The following FADS2 variants were observed in gnomAD, a reference collection of about 807,000 sequenced individuals.
The protein encoded by FADS2 is fatty acid desaturase 2, also known as acyl-CoA 6-desaturase.
A neutral mutation model predicts 61.2 loss-of-function variants in FADS2; 18 were observed. That is an observed-to-expected ratio of 0.29 (90% confidence interval 0.20 to 0.44). FADS2 has a LOEUF of 0.44. Among genes scored for constraint, FADS2 ranks in the 20% least tolerant of loss-of-function variants. The pLI is 1.00. For missense variants in FADS2, 322 were observed against 572.7 expected (o/e 0.56, Z 4.47); for synonymous variants, 203 against 223.9 (o/e 0.91, Z 0.83).
At chr11:61,817,087 TC>T in intron 1 of FADS2, 1 of 842,290 alleles carries the variant, frequency 1.2e-6, no homozygotes, top group Non-Finnish European at 1.7e-6. Context: ...CGGCGTTGGC[TC>T]CCAGGGGGCG....
chr11:61,865,792 G>A lies in FADS2; in HGVS notation c.*103G>A. On this transcript the variant is annotated 3_prime_UTR_variant, in exon 12 of 12. Transcript: ENST00000278840. This position sits in a 1 kb window ranked among gnomAD's most constrained non-coding sequence, Gnocchi z 4.1. The stretch of plus-strand genomic sequence containing the variant: ...AGGGGTGTCCGAGAGGCTGGTGTAT[G>A]CACTGCTCACGGACCCCATGTTGGA... The A allele has an allele frequency of 1.0e-6, 1 of 959,924 alleles. No individual in the cohort carries two copies. 59.5% of individuals were successfully genotyped at this position (959,924 alleles called of 1,614,324 possible).
chr11:61,820,103 G>C (rs544671823), intron 1 of FADS2, among the ~76,000 whole-genome samples: 2 of 151,988 alleles, frequency 1.3e-5, no homozygotes, highest in Non-Finnish European at 1.5e-5. Context: ...TACTTGGGAG[G>C]CTGAGTCAGG....
chr11:61,857,653 C>T, intron 7 of FADS2, 123 bp downstream of exon 7: 7 of 758,080 alleles, frequency 9.2e-6, no homozygotes, highest in South Asian at 5.7e-5. Context: ...GGCATCTCCT[C>T]CCTGGGGTAG....
chr11:61,830,305 T>A (rs1290262209), intron 1 of FADS2, among the ~76,000 whole-genome samples: 1 of 152,282 alleles, frequency 6.6e-6, no homozygotes, highest in African/African-American at 2.4e-5. Flanking sequence ...GAATTTGGTC[T>A]GATTATTCCA....
intron 5 of FADS2, among the ~76,000 whole-genome samples, chr11:61,852,498 T>A (rs761351945): frequency 6.6e-6 from 1 of 152,104 alleles, no homozygotes; most frequent in Non-Finnish European, 1.5e-5. Flanking sequence ...TGACCTCAAG[T>A]GATCCGCCTA....
At chr11:61,824,921 A>G (rs1434027174), upstream of FADS2, among the ~76,000 whole-genome samples, 4 of 152,056 alleles carry the variant, frequency 2.6e-5, no homozygotes, top group South Asian at 4.2e-4. Context: ...GGCCGGGTGC[A>G]GTGGCTCACG....
chr11:61,828,665 G>A lies in FADS2; in HGVS notation c.207+68G>A. ...GCGGAGTCAGGATCCCTGGCTCCCC[G>A]TGGGCCAAACAGACCTCCGGCGCTG... On this transcript the variant is annotated intron_variant, in intron 1 of 11. Coordinates refer to ENST00000278840, the MANE Select transcript of FADS2 (RefSeq NM_004265.4). This position sits in a 1 kb window ranked among gnomAD's most constrained non-coding sequence, Gnocchi z 6.4. The A allele has an allele frequency of 6.9e-7, 1 of 1,455,706 alleles. No homozygotes were observed. Among genetic ancestry groups the A allele is most frequent in the South Asian group, 1.3e-5 (1 of 79,274 alleles). 90.2% of individuals were successfully genotyped at this position (1,455,706 alleles called of 1,614,324 possible).
At position 61,865,739 on chromosome 11, in the gene FADS2, G is replaced by C; in HGVS notation, c.*50G>C. 2.0e-6 allele frequency: 3 copies of C among 1,517,094 alleles called. No homozygotes were observed. Among genetic ancestry groups the C allele is most frequent in the Non-Finnish European group, 2.7e-6 (3 of 1,101,040 alleles). 94.0% of individuals were successfully genotyped at this position (1,517,094 alleles called of 1,614,324 possible). On this transcript the variant is annotated 3_prime_UTR_variant, in exon 12 of 12. Coordinates refer to ENST00000278840, the MANE Select transcript of FADS2 (RefSeq NM_004265.4). The surrounding 1 kb of genome is among the most constrained non-coding windows in gnomAD (Gnocchi z 4.1). ...GGGAAGGGGTGCAGGTGGGGTGATG[G>C]CCAGAGGAATGATGGGCTTTTGTTC...
chr11:61,827,185 G>A (rs1159339387), upstream of FADS2, among the ~76,000 whole-genome samples: 1 of 152,194 alleles, frequency 6.6e-6, no homozygotes, highest in Non-Finnish European at 1.5e-5. This position sits in a 1 kb window ranked among gnomAD's most constrained non-coding sequence, Gnocchi z 4.5. Flanking sequence ...TGAGGGGCCT[G>A]TCTCTTGCCC....
chr11:61,844,297 G>A (rs1242443534), intron 4 of FADS2, among the ~76,000 whole-genome samples: 2 of 152,168 alleles, frequency 1.3e-5, no homozygotes, highest in South Asian at 2.1e-4. Flanking sequence ...TTGGCCGGGT[G>A]TGGTGGCTCA....
intron 2 of FADS2, 64 bp from the exon 3 acceptor site, chr11:61,840,270 G>A (rs779985004): frequency 1.5e-5 from 20 of 1,373,776 alleles, no homozygotes; most frequent in South Asian, 7.0e-5. Flanking sequence ...ATGGCAGCTC[G>A]AGACATATGT....
chr11:61,825,899 AAAT>A, upstream of FADS2: 2 of 592,012 alleles, frequency 3.4e-6, no homozygotes, highest in Non-Finnish European at 6.0e-6. Context: ...TCTCAAAAAA[AAAT>A]TAGAGGGCAG....
intron 1 of FADS2, among the ~76,000 whole-genome samples, chr11:61,817,417 T>C (rs926377326): frequency 6.6e-6 from 1 of 152,220 alleles, no homozygotes; most frequent in East Asian, 1.9e-4. Flanking sequence ...GTGAACAGCA[T>C]ATTTACGGTC....
At chr11:61,860,276 G>A (rs1409933897) in intron 7 of FADS2, among the ~76,000 whole-genome samples, 1 of 152,270 alleles carries the variant, frequency 6.6e-6, no homozygotes, top group Non-Finnish European at 1.5e-5. Flanking sequence ...TGTCCCAGGT[G>A]CCAATAGTGT....
At chr11:61,829,131 C>T (rs1275762214) in intron 1 of FADS2, 2 of 153,596 alleles carry the variant, frequency 1.3e-5, no homozygotes, top group African/African-American at 4.8e-5. Flanking sequence ...TAAGAAGTTC[C>T]TCAATGGCCA....
At chr11:61,819,968 A>C (rs1364928802) in intron 1 of FADS2, among the ~76,000 whole-genome samples, 1 of 151,270 alleles carries the variant, frequency 6.6e-6, no homozygotes, top group Non-Finnish European at 1.5e-5. Context: ...CACACCTGTA[A>C]TCCCAGCACT....
rs186098613 is a variant in FADS2, at chr11:61,834,746, C to A, written c.208-3032C>A. 2.5e-3 allele frequency among the ~76,000 whole-genome samples: 383 copies of A among 152,220 alleles called. 6 individuals are homozygous for A. Among genetic ancestry groups the A allele is most frequent in the East Asian group, 0.022 (113 of 5,166 alleles). ...ACTGCCTTACCAGGGACTTCCTGTT[C>A]ATTTCTCAAAGGCCGTGGTGTGATG... On this transcript the variant is annotated intron_variant, in intron 1 of 11. Transcript: ENST00000278840.
Position 61,816,434 on chromosome 11 carries a change from C to A in FADS2, c.141+8C>A. On this transcript the variant is annotated splice_region_variant and intron_variant, in intron 1 of 11. Transcript: ENST00000257261. The surrounding 1 kb of genome is among the most constrained non-coding windows in gnomAD (Gnocchi z 7.0). ...CCAATCACCGGGCAACAGGTATGATCAGGCGCCTCCGGGCTTTCCTCCGAA... is the reference window on the plus strand; with the variant it reads ...CCAATCACCGGGCAACAGGTATGATAAGGCGCCTCCGGGCTTTCCTCCGAA... 1 of 1,599,100 alleles carries A rather than the reference C, an allele frequency of 6.3e-7. No homozygotes were observed. Among genetic ancestry groups the A allele is most frequent in the South Asian group, 1.1e-5 (1 of 91,080 alleles).
At chr11:61,848,569 T>A (rs2135967816) in intron 5 of FADS2, 2 of 435,884 alleles carry the variant, frequency 4.6e-6, no homozygotes, top group Middle Eastern at 6.6e-4. Context: ...GGCTGGAATG[T>A]ATGTGGAATG....
Sources: allele counts gnomAD v4.1 joint callset (sites outside exome capture counted in the v4.1 genomes callset), GRCh38; gene constraint gnomAD v4.1.1; non-coding constraint Gnocchi (gnomAD v3.1); transcripts MANE v1.5; gene names NCBI Gene and HGNC (gene_info 2026-07-23, HGNC 2026-07-21).